PPFIA2: variants seen among roughly 807,000 people sequenced by gnomAD.
PPFIA2 encodes the protein PPFI scaffold protein A2.
In PPFIA2, 46 loss-of-function variants were observed where a neutral mutation model predicts 175.5. The observed-to-expected ratio is 0.26, with a 90% CI of 0.21 to 0.34. The LOEUF is 0.34. Ranked by LOEUF, PPFIA2 falls within the 10% of genes least tolerant of loss-of-function variation. PPFIA2 has a pLI of 1.00. For missense variants in PPFIA2, 1,179 were observed against 1,506.1 expected (o/e 0.78, Z 3.60); for synonymous variants, 568 against 511.4 (o/e 1.11, Z -1.49).
chr12:81,370,711 G>A (rs900706660), intron 11 of PPFIA2, among the ~76,000 whole-genome samples: 3 of 151,890 alleles, frequency 2.0e-5, no homozygotes, highest in African/African-American at 4.8e-5. Flanking sequence ...GTTACCACAG[G>A]TGCAGAGTGT....
At chr12:81,365,031 A>G (rs995476974) in intron 14 of PPFIA2, among the ~76,000 whole-genome samples, 1 of 151,746 alleles carries the variant, frequency 6.6e-6, no homozygotes, top group African/African-American at 2.4e-5. Context: ...AATAGAATAT[A>G]TAAACTCTCT....
chr12:81,362,947 TA>T (rs796089870), intron 14 of PPFIA2, among the ~76,000 whole-genome samples, 163 bp from the exon 15 acceptor site: 105 of 151,680 alleles, frequency 6.9e-4, no homozygotes, highest in African/African-American at 2.4e-3. Context: ...CCCCTTGTAA[TA>T]AAAAATGTGG....
chr12:81,494,057 C>A (rs527282694), intron 4 of PPFIA2, among the ~76,000 whole-genome samples: 23 of 151,626 alleles, frequency 1.5e-4, no homozygotes, highest in Non-Finnish European at 3.1e-4. Context: ...TCTAAAACAC[C>A]AAAAGCAATG....
chr12:81,579,660 TTCA>T (rs1298147649), intron 4 of PPFIA2, among the ~76,000 whole-genome samples: 2 of 151,556 alleles, frequency 1.3e-5, no homozygotes, highest in Non-Finnish European at 2.9e-5. Flanking sequence ...ATTAAATGAC[TTCA>T]TCACACAAAT....
At chr12:81,439,276 A>AATAT (rs375655616) in intron 7 of PPFIA2, among the ~76,000 whole-genome samples, 3 of 147,970 alleles carry the variant, frequency 2.0e-5, no homozygotes, top group Non-Finnish European at 3.0e-5. Flanking sequence ...TTCAGGGATA[A>AATAT]ATATATATAT....
chr12:81,642,007 A>T (rs1235830436), intron 4 of PPFIA2, among the ~76,000 whole-genome samples: 1 of 152,128 alleles, frequency 6.6e-6, no homozygotes, highest in Non-Finnish European at 1.5e-5. Flanking sequence ...TGAATATTTT[A>T]TCCTATCATA....
Position 81,374,686 on chromosome 12 carries a change from G to C in PPFIA2, c.1214C>G (p.Thr405Ser). ...CAGTTCAGCCTCTACTTCAGGCAAG[G>C]TTTCAGCCTTTCTCATGGTCTGCTG... The part of the protein sequence containing the change: ...KLQQTMRKAE[T>S]LPEVEAELAQ... The change falls in exon 11 of 33, where the codon ACC becomes AGC. Residue 405 changes from threonine to serine, a missense_variant. Transcript: ENST00000549396. 1.2e-6 allele frequency: 2 copies of C among 1,613,396 alleles called. No homozygotes were observed. Among genetic ancestry groups the C allele is most frequent in the Non-Finnish European group, 8.5e-7 (1 of 1,179,582 alleles).
chr12:81,370,223 A>T (rs962461308), intron 11 of PPFIA2, among the ~76,000 whole-genome samples: 8 of 151,788 alleles, frequency 5.3e-5, no homozygotes, highest in Non-Finnish European at 1.0e-4. Flanking sequence ...AAAAAAAGAT[A>T]AAAAAACTAA....
intron 4 of PPFIA2, among the ~76,000 whole-genome samples, chr12:81,640,266 T>A (rs1010592038): frequency 6.6e-6 from 1 of 151,980 alleles, no homozygotes; most frequent in Non-Finnish European, 1.5e-5. Context: ...CATTGCAATG[T>A]GATAATCAAA....
chr12:81,452,983 TTTTC>T (rs1460634311), intron 5 of PPFIA2, among the ~76,000 whole-genome samples: 1 of 148,592 alleles, frequency 6.7e-6, no homozygotes, highest in Non-Finnish European at 1.5e-5. Flanking sequence ...ACCATAACGT[TTTTC>T]TTTTTTTTTA....
intron 4 of PPFIA2, among the ~76,000 whole-genome samples, chr12:81,672,170 G>A (rs1157906727): frequency 6.6e-6 from 1 of 151,714 alleles, no homozygotes; most frequent in Non-Finnish European, 1.5e-5. Flanking sequence ...AACAATATAA[G>A]GTTGAAATAC....
At chr12:81,554,201 A>G (rs1256871431) in intron 4 of PPFIA2, among the ~76,000 whole-genome samples, 1 of 152,080 alleles carries the variant, frequency 6.6e-6, no homozygotes, top group African/African-American at 2.4e-5. Flanking sequence ...AAGTGATGTC[A>G]AGATTTACCT....
Position 81,405,838 on chromosome 12 carries a change from T to C in PPFIA2, c.711A>G (p.Thr237=), listed in dbSNP as rs2042840644. 1 of 1,582,772 alleles carries C rather than the reference T, an allele frequency of 6.3e-7. No homozygotes were observed. The highest frequency in any genetic ancestry group is 1.7e-4 in the Middle Eastern group (1 of 6,028). Residue 237 remains threonine, a synonymous_variant, in exon 8 of 33, where the codon ACA becomes ACG. Coordinates refer to ENST00000549396, the MANE Select transcript of PPFIA2 (RefSeq NM_003625.5). ...QRKMASSEGS[T]ESEHLEGMEP... ...CCATCCCTTCAAGATGTTCTGACTC[T>C]GTGGATCCCTCGCTTGATGCCATTT... is the stretch of plus-strand genomic sequence containing the variant.
At chr12:81,612,774 T>C (rs553584458) in intron 4 of PPFIA2, among the ~76,000 whole-genome samples, 51 of 152,376 alleles carry the variant, frequency 3.3e-4, no homozygotes, top group African/African-American at 1.1e-3. Context: ...TATATGAATG[T>C]ACATAGATGT....
At chr12:81,381,365 G>T (rs1435812045) in intron 9 of PPFIA2, among the ~76,000 whole-genome samples, 1 of 152,110 alleles carries the variant, frequency 6.6e-6, no homozygotes, top group Admixed American at 6.6e-5. Context: ...TGGGTGTTTT[G>T]TTACCTACAT....
At chr12:81,474,467 T>C (rs1484687836) in intron 4 of PPFIA2, among the ~76,000 whole-genome samples, 2 of 152,150 alleles carry the variant, frequency 1.3e-5, no homozygotes, top group Non-Finnish European at 2.9e-5. Flanking sequence ...AATTTTTGTA[T>C]TTTTAGTAGA....
chr12:81,354,492 T>G (rs2060550125), intron 16 of PPFIA2, among the ~76,000 whole-genome samples: 1 of 152,192 alleles, frequency 6.6e-6, no homozygotes, highest in Non-Finnish European at 1.5e-5. Context: ...ATCATGAGAT[T>G]GCAGCAATTT....
At chr12:81,484,436 CTG>C (rs2058594210) in intron 4 of PPFIA2, among the ~76,000 whole-genome samples, 1 of 151,872 alleles carries the variant, frequency 6.6e-6, no homozygotes, top group African/African-American at 2.4e-5. Flanking sequence ...TTAATGGTGA[CTG>C]TGGGAGGCAG....
intron 4 of PPFIA2, among the ~76,000 whole-genome samples, chr12:81,492,502 G>A (rs2059529566): frequency 6.6e-6 from 1 of 151,966 alleles, no homozygotes. Flanking sequence ...GGGGAGGGGT[G>A]GAGCTGCAAT....
Sources: allele counts gnomAD v4.1 joint callset (sites outside exome capture counted in the v4.1 genomes callset), GRCh38; gene constraint gnomAD v4.1.1; transcripts MANE v1.5; gene names NCBI Gene and HGNC (gene_info 2026-07-23, HGNC 2026-07-21).